Variants in MBD5 observed in about 807,000 individuals in gnomAD.
MBD5 encodes the protein methyl-CpG-binding domain protein 5.
MBD5 carries 13 observed loss-of-function variants against 117.3 expected under a neutral mutation model. The ratio of observed to expected loss-of-function variants is 0.11; its 90% CI spans 0.07 to 0.18. The LOEUF (loss-of-function observed/expected upper bound fraction) is 0.18, where lower values mean the gene tolerates loss of function less well. Ranked by LOEUF, MBD5 falls within the 10% of genes least tolerant of loss-of-function variation. The pLI, the probability that MBD5 is intolerant of heterozygous loss-of-function variation, is 1.00. For synonymous variants in MBD5, 727 were observed against 766.4 expected (o/e 0.95, Z 0.85); for missense variants, 1,879 against 2,093.8 (o/e 0.90, Z 2.00).
intron 1 of MBD5, among the ~76,000 whole-genome samples, chr2:148,040,947 G>A (rs952041916): frequency 6.6e-6 from 1 of 152,016 alleles, no homozygotes; most frequent in African/African-American, 2.4e-5. Flanking sequence ...CCAGTGATAT[G>A]CTTTTGTGGA....
intron 3 of MBD5, among the ~76,000 whole-genome samples, chr2:148,242,465 A>C (rs1700234951): frequency 6.6e-6 from 1 of 152,160 alleles, no homozygotes; most frequent in Non-Finnish European, 1.5e-5. Flanking sequence ...GTAGGGCATT[A>C]CTGCATGGCC....
At chr2:148,038,883 A>G (rs543935959) in intron 1 of MBD5, among the ~76,000 whole-genome samples, 2 of 152,238 alleles carry the variant, frequency 1.3e-5, no homozygotes, top group East Asian at 3.9e-4. Flanking sequence ...AACTGAGTAC[A>G]CATCCTAATA....
chr2:148,145,416 T>C (rs1574062255), intron 1 of MBD5, among the ~76,000 whole-genome samples: 1 of 152,206 alleles, frequency 6.6e-6, no homozygotes, highest in African/African-American at 2.4e-5. Context: ...TGACTTCCTC[T>C]TTTCCTAATT....
At chr2:148,287,405 G>A (rs1022504918) in intron 3 of MBD5, among the ~76,000 whole-genome samples, 7 of 152,188 alleles carry the variant, frequency 4.6e-5, no homozygotes, top group African/African-American at 1.7e-4. Context: ...TTAGTGTTGA[G>A]TAGGGAAGGA....
rs143003392 is a variant in MBD5, at chr2:148,293,972, A to G, written c.-679-48242A>G. Among the ~76,000 whole-genome samples the G allele has an allele frequency of 1.2e-3, 176 of 152,320 alleles. 1 individual carries two copies. The highest frequency in any genetic ancestry group is 3.7e-3 in the African/African-American group (153 of 41,578). On this transcript the variant is annotated intron_variant, in intron 3 of 13. Transcript: ENST00000642680. Reference sequence around the variant, plus strand: ...TCTTTTTCGATCAATTAAGGAAAGAAGGAGACGAAATATGCATTCATTGTA... The same window carrying G: ...TCTTTTTCGATCAATTAAGGAAAGAGGGAGACGAAATATGCATTCATTGTA...
At chr2:148,285,917 G>T (rs1201695734) in intron 3 of MBD5, among the ~76,000 whole-genome samples, 1 of 151,912 alleles carries the variant, frequency 6.6e-6, no homozygotes, top group East Asian at 1.9e-4. Context: ...TTATTAAAGT[G>T]ATTTTATATA....
Position 148,098,604 on chromosome 2 carries a change from G to A in MBD5, c.-925+76920G>A, listed in dbSNP as rs1696124783. On this transcript the variant is annotated intron_variant, in intron 1 of 13. Coordinates refer to ENST00000642680, the MANE Select transcript of MBD5 (RefSeq NM_001378120.1). ...ACATTGCATCTGAATCACCTGGTGA[G>A]CTTTTCATAAATATCATACCTAGGT... Among the ~76,000 whole-genome samples, 3 of 152,134 alleles carry A rather than the reference G, an allele frequency of 2.0e-5. No homozygotes were observed. In the South Asian group the frequency reaches 6.2e-4, roughly 32 times the overall value.
chr2:148,313,670 C>T (rs537889509), intron 3 of MBD5, among the ~76,000 whole-genome samples: 97 of 152,296 alleles, frequency 6.4e-4, no homozygotes, highest in African/African-American at 2.0e-3. Flanking sequence ...CATTGGCATT[C>T]CAGGCACCAC....
intron 1 of MBD5, among the ~76,000 whole-genome samples, chr2:148,174,793 A>AAT (rs1698343740): frequency 6.6e-6 from 1 of 152,066 alleles, no homozygotes; most frequent in Non-Finnish European, 1.5e-5. Context: ...AAAAAAAAAA[A>AAT]ATACAAAAGA....
intron 1 of MBD5, among the ~76,000 whole-genome samples, chr2:148,051,659 G>A (rs1694707956): frequency 6.8e-6 from 1 of 147,746 alleles, no homozygotes; most frequent in Non-Finnish European, 1.5e-5. Flanking sequence ...TGTCATGAAA[G>A]GATGTTATAT....
chr2:148,293,235 G>A (rs1054564935), intron 3 of MBD5, among the ~76,000 whole-genome samples: 1 of 152,042 alleles, frequency 6.6e-6, no homozygotes, highest in African/African-American at 2.4e-5. Context: ...GTTGCCAGAG[G>A]CTGGGAAGGG....
intron 4 of MBD5, among the ~76,000 whole-genome samples, chr2:148,391,742 A>T (rs1366745781): frequency 6.6e-6 from 1 of 152,156 alleles, no homozygotes; most frequent in Non-Finnish European, 1.5e-5. Flanking sequence ...TCAAAGCCTA[A>T]TTCCCTGAAA....
intron 4 of MBD5, among the ~76,000 whole-genome samples, chr2:148,390,236 G>A (rs1704524565): frequency 6.6e-6 from 1 of 151,918 alleles, no homozygotes; most frequent in Admixed American, 6.6e-5. Flanking sequence ...ATGTAGGTGT[G>A]TGGCTTTACT....
chr2:148,082,258 C>T (rs1019597590), intron 1 of MBD5, among the ~76,000 whole-genome samples: 2 of 152,072 alleles, frequency 1.3e-5, no homozygotes, highest in South Asian at 2.1e-4. Context: ...TTATCTGAAC[C>T]CTGAGTTTTT....
chr2:148,028,409 A>G (rs1018723206), intron 1 of MBD5: 1 of 152,050 alleles, frequency 6.6e-6, no homozygotes, highest in African/African-American at 2.4e-5. Context: ...AAAATTTAAT[A>G]TCTGTATCTC....
intron 1 of MBD5, among the ~76,000 whole-genome samples, chr2:148,169,078 TA>T (rs1207010349): frequency 2.0e-5 from 3 of 151,384 alleles, no homozygotes; most frequent in Non-Finnish European, 4.4e-5. Flanking sequence ...AATGGAAAAA[TA>T]AATGGAAATT....
chr2:148,430,435 G>T (rs1418883171), intron 4 of MBD5, among the ~76,000 whole-genome samples: 1 of 152,074 alleles, frequency 6.6e-6, no homozygotes, highest in Non-Finnish European at 1.5e-5. Flanking sequence ...TAAAAAATGT[G>T]TATCTATAAT....
chr2:148,097,726 C>G (rs573720674), intron 1 of MBD5, among the ~76,000 whole-genome samples: 1 of 152,264 alleles, frequency 6.6e-6, no homozygotes, highest in East Asian at 1.9e-4. Context: ...TGGTAAATAC[C>G]AACTCTGCCT....
At chr2:148,385,361 A>G (rs372504937) in intron 4 of MBD5, among the ~76,000 whole-genome samples, 12 of 152,324 alleles carry the variant, frequency 7.9e-5, no homozygotes, top group East Asian at 3.9e-4. Context: ...ATGAAAAAAT[A>G]CTCATCATCA....
Sources: allele counts gnomAD v4.1 joint callset (sites outside exome capture counted in the v4.1 genomes callset), GRCh38; gene constraint gnomAD v4.1.1; transcripts MANE v1.5; gene names NCBI Gene and HGNC (gene_info 2026-07-23, HGNC 2026-07-21).